The following XRCC5 variants were observed in gnomAD, a reference collection of about 807,000 sequenced individuals.
The protein encoded by XRCC5 is X-ray repair cross complementing 5.
XRCC5 carries 12 observed loss-of-function variants against 95.7 expected under a neutral mutation model. That is an observed-to-expected ratio of 0.13 (90% confidence interval 0.08 to 0.20). The LOEUF (loss-of-function observed/expected upper bound fraction) is 0.20. Ranked by LOEUF, XRCC5 falls within the 10% of genes least tolerant of loss-of-function variation. The pLI is 1.00. For missense variants in XRCC5, 595 were observed against 873.9 expected (o/e 0.68, Z 4.02); for synonymous variants, 281 against 290.3 (o/e 0.97, Z 0.33).
At chr2:216,139,238 C>G (rs1697136411) in intron 12 of XRCC5, among the ~76,000 whole-genome samples, 1 of 152,030 alleles carries the variant, frequency 6.6e-6, no homozygotes, top group Admixed American at 6.6e-5. Flanking sequence ...CCTCAAACTC[C>G]CTGTGTATTA....
intron 9 of XRCC5, 22 bp downstream of exon 9, chr2:216,131,009 A>G: frequency 6.3e-7 from 1 of 1,576,392 alleles, no homozygotes; most frequent in East Asian, 2.2e-5. Flanking sequence ...AACAAACTAA[A>G]TGAGCTTTTT....
chr2:216,118,547 G>T (rs1307785675), intron 4 of XRCC5, among the ~76,000 whole-genome samples: 1 of 152,128 alleles, frequency 6.6e-6, no homozygotes, highest in African/African-American at 2.4e-5. Context: ...ATATGTGCAT[G>T]TACACATACC....
intron 19 of XRCC5, among the ~76,000 whole-genome samples, chr2:216,197,849 C>T (rs1362167541): frequency 3.3e-5 from 5 of 152,108 alleles, no homozygotes; most frequent in African/African-American, 1.2e-4. Flanking sequence ...AGTGCTTTAG[C>T]CAATGTAGTA....
At chr2:216,167,767 G>A (rs1001899390) in intron 16 of XRCC5, among the ~76,000 whole-genome samples, 10 of 152,188 alleles carry the variant, frequency 6.6e-5, no homozygotes, top group South Asian at 2.1e-4. Flanking sequence ...AATACCTTGA[G>A]CATCTTAAAG....
intron 16 of XRCC5, chr2:216,175,365 C>A: frequency 2.1e-6 from 1 of 483,658 alleles, no homozygotes; most frequent in South Asian, 1.5e-5. Flanking sequence ...GAGTTTCCTC[C>A]ACAACCCATA....
chr2:216,158,930 A>G (rs1378207484), intron 14 of XRCC5, among the ~76,000 whole-genome samples: 1 of 152,136 alleles, frequency 6.6e-6, no homozygotes, highest in Non-Finnish European at 1.5e-5. Context: ...TTCAAGCCTC[A>G]TTGTCTGAAG....
intron 1 of XRCC5, among the ~76,000 whole-genome samples, chr2:216,110,975 C>T (rs1696581908): frequency 6.6e-6 from 1 of 151,660 alleles, no homozygotes; most frequent in African/African-American, 2.4e-5. Context: ...ATAATCTTTT[C>T]TTTTCATGTG....
chr2:216,132,459 G>A, intron 10 of XRCC5, 72 bp downstream of exon 10: 1 of 1,471,944 alleles, frequency 6.8e-7, no homozygotes, highest in Admixed American at 1.7e-5. Flanking sequence ...AAGTTGTTTG[G>A]GGCTTTTATA....
At chr2:216,146,328 T>C (rs976612023) in intron 13 of XRCC5, among the ~76,000 whole-genome samples, 1 of 152,220 alleles carries the variant, frequency 6.6e-6, no homozygotes, top group African/African-American at 2.4e-5. Flanking sequence ...GATGATACTA[T>C]TAAACCTAAG....
chr2:216,154,972 A>C (rs1688815473), intron 14 of XRCC5, among the ~76,000 whole-genome samples: 1 of 148,792 alleles, frequency 6.7e-6, no homozygotes, highest in African/African-American at 2.4e-5. Context: ...ATTAAAAAAA[A>C]CCATTTATCA....
intron 14 of XRCC5, among the ~76,000 whole-genome samples, chr2:216,150,778 A>G (rs919623546): frequency 1.3e-5 from 2 of 152,124 alleles, no homozygotes; most frequent in Admixed American, 6.6e-5. Context: ...AGTCCCAGCT[A>G]CTTGTGAGGC....
intron 3 of XRCC5, 190 bp from the exon 4 acceptor site, chr2:216,117,556 T>C: frequency 1.9e-6 from 1 of 526,924 alleles, no homozygotes; most frequent in Non-Finnish European, 3.4e-6. Context: ...TTTGGCAGAA[T>C]ATATAGTTTG....
intron 2 of XRCC5, 117 bp from the exon 3 acceptor site, chr2:216,116,542 A>G: frequency 1.8e-6 from 2 of 1,103,730 alleles, no homozygotes; most frequent in South Asian, 1.3e-5. Flanking sequence ...CCAATACTAT[A>G]TGGCCCCAGG....
chr2:216,149,201 A>G (rs554718505), intron 14 of XRCC5, among the ~76,000 whole-genome samples: 9 of 152,280 alleles, frequency 5.9e-5, no homozygotes, highest in Admixed American at 2.6e-4. Flanking sequence ...AGGTTTCTAT[A>G]AATCATTGAT....
intron 2 of XRCC5, among the ~76,000 whole-genome samples, chr2:216,115,893 G>A (rs943493739): frequency 1.3e-4 from 20 of 150,798 alleles, no homozygotes; most frequent in Admixed American, 3.3e-4. Context: ...TCAGGATTTT[G>A]GTAGTTATTA....
chr2:216,137,257 T>C lies in XRCC5; in HGVS notation c.1251+32T>C, dbSNP rs1186265742. The C allele has an allele frequency of 2.5e-6, 4 of 1,597,776 alleles. No individual in the cohort carries two copies. In the African/African-American group the frequency reaches 5.4e-5, roughly 22 times the overall value. ...CCCAAAGTCTTAATGTTATTTTTTT[T>C]CTTCAGTTCCTTTATTCTAAGCAGT... On this transcript the variant is annotated intron_variant, in intron 11 of 20. Coordinates refer to ENST00000392132, the MANE Select transcript of XRCC5 (RefSeq NM_021141.4).
chr2:216,116,555 C>T (rs1696701084), intron 2 of XRCC5, 104 bp from the exon 3 acceptor site: 2 of 1,296,742 alleles, frequency 1.5e-6, no homozygotes, highest in Non-Finnish European at 2.2e-6. Flanking sequence ...GCCCCAGGGA[C>T]CTGCCATAGG....
chr2:216,180,794 G>T (rs186788842), intron 16 of XRCC5, among the ~76,000 whole-genome samples: 31 of 150,756 alleles, frequency 2.1e-4, no homozygotes, highest in Admixed American at 1.2e-3. Flanking sequence ...GTTAACTGTT[G>T]TTTTGCCCCT....
intron 13 of XRCC5, 110 bp from the exon 14 acceptor site, chr2:216,147,973 A>G (rs543176521): frequency 1.7e-6 from 2 of 1,170,984 alleles, no homozygotes; most frequent in Non-Finnish European, 2.5e-6. Flanking sequence ...TACATGTGGT[A>G]TGAATCACTT....
Sources: gnomAD v4.1 joint callset for allele counts (sites outside exome capture counted in the v4.1 genomes callset) on GRCh38, gnomAD v4.1.1 for gene constraint, MANE v1.5 for transcripts, NCBI Gene and HGNC (gene_info 2026-07-23, HGNC 2026-07-21) for gene names.